Variants in G2E3 observed in about 807,000 individuals in gnomAD.
G2E3 encodes the protein G2/M-phase specific E3 ubiquitin protein ligase.
Under a neutral mutation model 92.8 loss-of-function variants are expected in G2E3, and 35 were observed. The ratio of observed to expected loss-of-function variants is 0.38; its 90% CI spans 0.29 to 0.50. The LOEUF (loss-of-function observed/expected upper bound fraction) is 0.50, where lower values mean the gene tolerates loss of function less well. Ranked by LOEUF, G2E3 falls within the 20% of genes least tolerant of loss-of-function variation. The pLI is 0.94. For synonymous variants in G2E3, 242 were observed against 272.4 expected, an observed-to-expected ratio of 0.89 and a Z score of 1.10; for missense variants, 554 against 823.8, an observed-to-expected ratio of 0.67 and a Z score of 4.01.
intron 12 of G2E3, among the ~76,000 whole-genome samples, chr14:30,610,041 T>A (rs1425201179): frequency 1.3e-5 from 2 of 152,214 alleles, no homozygotes; most frequent in African/African-American, 4.8e-5. Context: ...AATCCCCCAG[T>A]GGCTTCTCAT....
At chr14:30,580,711 G>A (rs1224088020) in intron 1 of G2E3, among the ~76,000 whole-genome samples, 6 of 152,160 alleles carry the variant, frequency 3.9e-5, no homozygotes, top group Non-Finnish European at 8.8e-5. Context: ...TTAATTACAA[G>A]TAGATTTTTT....
At chr14:30,591,514 G>T (rs1361702915) in intron 4 of G2E3, among the ~76,000 whole-genome samples, 2 of 152,090 alleles carry the variant, frequency 1.3e-5, no homozygotes, top group Admixed American at 6.6e-5. Flanking sequence ...TGTCAAAAGG[G>T]TTCCTTCTAG....
At chr14:30,584,595 CTGT>C (rs1341674554) in intron 2 of G2E3, among the ~76,000 whole-genome samples, 2 of 152,028 alleles carry the variant, frequency 1.3e-5, no homozygotes, top group African/African-American at 4.8e-5. Context: ...TGGTATCTCA[CTGT>C]TGTTATTATT....
At chr14:30,583,662 T>C (rs1880550261) in intron 2 of G2E3, among the ~76,000 whole-genome samples, 1 of 152,226 alleles carries the variant, frequency 6.6e-6, no homozygotes, top group African/African-American at 2.4e-5. Context: ...TTAAGTATTC[T>C]CACCACAAGT....
intron 13 of G2E3, 120 bp from the exon 14 acceptor site, chr14:30,615,229 T>G (rs1258959126): frequency 8.9e-6 from 5 of 560,358 alleles, no homozygotes; most frequent in Middle Eastern, 9.6e-4. Context: ...GTTTTTTGGT[T>G]GTTTTTTAAA....
chr14:30,564,307 CT>C (rs1269168705), intron 1 of G2E3, among the ~76,000 whole-genome samples: 1 of 151,882 alleles, frequency 6.6e-6, no homozygotes, highest in Non-Finnish European at 1.5e-5. Context: ...TACATTTGAC[CT>C]TTTTTTGAGG....
In G2E3 at chr14:30,604,213, A is replaced by G. The variant is rs1881713797; in HGVS notation, c.1011-1292A>G. On this transcript the variant is annotated intron_variant, in intron 10 of 14. Transcript: ENST00000206595. ...GGAATCAACCTGCTATAAAAAAGGT[A>G]TGTTTCTGAAGAATTATCTTACTTC... is the stretch of plus-strand genomic sequence containing the variant. Among the ~76,000 whole-genome samples the G allele has an allele frequency of 2.6e-5, 4 of 152,326 alleles. No individual in the cohort carries two copies. The South Asian group carries it at 8.3e-4, about 32-fold the overall frequency.
chr14:30,562,072 A>C (rs1323459562), intron 1 of G2E3, among the ~76,000 whole-genome samples: 1 of 152,184 alleles, frequency 6.6e-6, no homozygotes, highest in African/African-American at 2.4e-5. Context: ...TAATCCTCAC[A>C]ACCATTTTAT....
chr14:30,574,205 C>A (rs1273841446), intron 1 of G2E3, among the ~76,000 whole-genome samples: 1 of 152,086 alleles, frequency 6.6e-6, no homozygotes, highest in Non-Finnish European at 1.5e-5. Context: ...CTTAATGCTT[C>A]AGTATTTCCT....
chr14:30,618,317 GTCAC>G lies in G2E3; in HGVS notation c.*1784_*1787del, dbSNP rs1244871080. On this transcript the variant is annotated 3_prime_UTR_variant, in exon 15 of 15. Transcript: ENST00000206595. ...TTGAATAGCTAATATAAACCCCAAA[GTCAC>G]CATACAGTTTTTATTCCAAATATGT... is the stretch of plus-strand genomic sequence containing the variant. The G allele has an allele frequency of 6.6e-6, 1 of 152,026 alleles. No individual in the cohort carries two copies. Among genetic ancestry groups the G allele is most frequent in the Non-Finnish European group, 1.5e-5 (1 of 67,942 alleles). The allele number at this position is 152,026 out of a possible 1,614,324, so 9.4% of individuals were successfully genotyped here.
At chr14:30,565,122 A>G (rs1164286878) in intron 1 of G2E3, among the ~76,000 whole-genome samples, 3 of 152,174 alleles carry the variant, frequency 2.0e-5, no homozygotes. Context: ...TCTCCATATC[A>G]TCATTAACAC....
chr14:30,615,207 T>A, intron 13 of G2E3, 142 bp from the exon 14 acceptor site: 1 of 525,516 alleles, frequency 1.9e-6, no homozygotes, highest in Non-Finnish European at 3.4e-6. Flanking sequence ...AATATGATTG[T>A]CTCTTGTGGG....
chr14:30,570,202 G>A (rs1319616658), intron 1 of G2E3, among the ~76,000 whole-genome samples: 1 of 152,100 alleles, frequency 6.6e-6, no homozygotes, highest in East Asian at 1.9e-4. Context: ...TCTTATTGGG[G>A]ATATTTTGTA....
chr14:30,583,839 T>C (rs144330682), intron 2 of G2E3, among the ~76,000 whole-genome samples: 2,868 of 152,306 alleles, frequency 0.019, 38 homozygotes, highest in Middle Eastern at 0.034. Context: ...GTTGTATTTT[T>C]GTGTGTGTTG....
chr14:30,600,976 G>A (rs1383216180), intron 8 of G2E3, among the ~76,000 whole-genome samples: 1 of 152,186 alleles, frequency 6.6e-6, no homozygotes, highest in Non-Finnish European at 1.5e-5. Flanking sequence ...TAGGTTAGCT[G>A]TTTCTTCCTC....
chr14:30,592,343 A>G lies in G2E3; in HGVS notation c.258A>G (p.Lys86=), dbSNP rs755845152. The G allele has an allele frequency of 1.2e-6, 2 of 1,612,812 alleles. No homozygotes were observed. Among genetic ancestry groups the G allele is most frequent in the Non-Finnish European group, 1.7e-6 (2 of 1,179,100 alleles). The change falls in exon 5 of 15, where the codon AAA becomes AAG. Residue 86 remains lysine, a synonymous_variant. Transcript: ENST00000206595. ...ASKLKCCVCK[K]NGASIGCVAP... ...TCTAGAAATGCTGTGTTTGCAAGAA[A>G]AATGGTGCTTCAATTGGATGTGTTG...
chr14:30,610,373 T>G (rs1253125627), intron 12 of G2E3, among the ~76,000 whole-genome samples: 1 of 152,150 alleles, frequency 6.6e-6, no homozygotes, highest in Non-Finnish European at 1.5e-5. Flanking sequence ...CCCAACACTT[T>G]GGGAGAACAG....
chr14:30,611,796 A>G (rs1180188466), intron 12 of G2E3: 1 of 153,980 alleles, frequency 6.5e-6, no homozygotes, highest in Non-Finnish European at 1.4e-5. Flanking sequence ...CTAGGACTAC[A>G]GGTGTATACC....
At chr14:30,600,788 A>G (rs1249635936) in intron 8 of G2E3, among the ~76,000 whole-genome samples, 1 of 152,188 alleles carries the variant, frequency 6.6e-6, no homozygotes, top group Non-Finnish European at 1.5e-5. Flanking sequence ...CTGAAATGGA[A>G]TCCTCACTCT....
Sources: allele counts gnomAD v4.1 joint callset (sites outside exome capture counted in the v4.1 genomes callset), GRCh38; gene constraint gnomAD v4.1.1; transcripts MANE v1.5; gene names NCBI Gene and HGNC (gene_info 2026-07-23, HGNC 2026-07-21).